The following BCL7C variants were observed in gnomAD, a reference collection of about 807,000 sequenced individuals.
BCL7C encodes B-cell CLL/lymphoma 7 protein family member C.
In BCL7C, 8 loss-of-function variants were observed where a neutral mutation model predicts 26.2. The ratio of observed to expected loss-of-function variants is 0.30; its 90% CI spans 0.18 to 0.55. The LOEUF (loss-of-function observed/expected upper bound fraction) is 0.55, where lower values mean the gene tolerates loss of function less well. Among genes scored for constraint, BCL7C ranks in the 20% least tolerant of loss-of-function variants. BCL7C has a pLI of 0.93. For missense variants in BCL7C, 262 were observed against 298.5 expected, an observed-to-expected ratio of 0.88 and a Z score of 0.90; for synonymous variants, 90 against 116.5, an observed-to-expected ratio of 0.77 and a Z score of 1.47.
intron 4 of BCL7C, 149 bp from the exon 5 acceptor site, chr16:30,889,094 C>A: frequency 1.4e-6 from 1 of 708,424 alleles, no homozygotes; most frequent in Admixed American, 2.5e-5. Context: ...TGGCTGTGCC[C>A]CAGGAAGCAG....
intron 4 of BCL7C, among the ~76,000 whole-genome samples, chr16:30,890,801 C>T (rs1429894070): frequency 6.6e-6 from 1 of 151,928 alleles, no homozygotes; most frequent in African/African-American, 2.4e-5. Context: ...GCCTGGCCAA[C>T]ATGGAGAAAC....
At chr16:30,872,716 C>G (rs999752981) in intron 5 of BCL7C, among the ~76,000 whole-genome samples, 2 of 152,162 alleles carry the variant, frequency 1.3e-5, no homozygotes, top group Admixed American at 6.6e-5. Context: ...TTCCCCACCC[C>G]CTATCCTACT....
chr16:30,875,438 C>T (rs893434467), intron 5 of BCL7C: 1 of 152,462 alleles, frequency 6.6e-6, no homozygotes, highest in Non-Finnish European at 1.5e-5. Flanking sequence ...GGCCTTAACC[C>T]TTCCCAAGGC....
At chr16:30,881,783 C>T (rs2055047607) in intron 5 of BCL7C, among the ~76,000 whole-genome samples, 1 of 152,190 alleles carries the variant, frequency 6.6e-6, no homozygotes, top group Non-Finnish European at 1.5e-5. Context: ...CCCTCACCTC[C>T]TTCCAGCTTT....
chr16:30,879,133 T>C (rs904119511), intron 5 of BCL7C, among the ~76,000 whole-genome samples: 1 of 152,122 alleles, frequency 6.6e-6, no homozygotes, highest in Non-Finnish European at 1.5e-5. Flanking sequence ...CCCAGTTTGC[T>C]CAAGACTGGG....
At chr16:30,891,533 G>A (rs1241502157) in intron 4 of BCL7C, among the ~76,000 whole-genome samples, 1 of 152,160 alleles carries the variant, frequency 6.6e-6, no homozygotes, top group African/African-American at 2.4e-5. Flanking sequence ...CACAGTAAGA[G>A]CTCAATAAAT....
At chr16:30,877,601 A>C (rs2054969525) in intron 5 of BCL7C, among the ~76,000 whole-genome samples, 1 of 151,464 alleles carries the variant, frequency 6.6e-6, no homozygotes, top group Admixed American at 6.6e-5. Flanking sequence ...CACCGCGCCC[A>C]GCTAATTTGT....
At chr16:30,888,140 G>C in intron 5 of BCL7C, 150 bp from the exon 6 acceptor site, 2 of 672,002 alleles carry the variant, frequency 3.0e-6, no homozygotes. Context: ...GAGGAAGCAG[G>C]CACCAAAAAC....
intron 5 of BCL7C, among the ~76,000 whole-genome samples, chr16:30,848,779 G>A (rs554462235): frequency 2.6e-5 from 4 of 151,590 alleles, no homozygotes; most frequent in Admixed American, 6.6e-5. Context: ...CTGTAATCCC[G>A]GCTACTCAGG....
At chr16:30,841,848 G>T (rs1295814304) in intron 5 of BCL7C, among the ~76,000 whole-genome samples, 1 of 151,608 alleles carries the variant, frequency 6.6e-6, no homozygotes, top group East Asian at 1.9e-4. Context: ...CCAGCCACTC[G>T]GGAGGCTGAG....
chr16:30,889,163 C>T (rs569370880), intron 4 of BCL7C, among the ~76,000 whole-genome samples: 1 of 152,242 alleles, frequency 6.6e-6, no homozygotes, highest in Admixed American at 6.5e-5. Flanking sequence ...AAGTATGACA[C>T]GTGAGACAGA....
intron 5 of BCL7C, among the ~76,000 whole-genome samples, chr16:30,864,376 G>C (rs995186761): frequency 6.6e-6 from 1 of 151,950 alleles, no homozygotes. Context: ...TTCAGATCTT[G>C]TGTCTTCTGT....
At chr16:30,851,506 T>C in intron 5 of BCL7C, 2 of 237,902 alleles carry the variant, frequency 8.4e-6, no homozygotes, top group Non-Finnish European at 1.6e-5. Context: ...TCCCAAAATG[T>C]TGGGATTACA....
At chr16:30,874,285 T>C (rs1278596110) in intron 5 of BCL7C, among the ~76,000 whole-genome samples, 2 of 151,488 alleles carry the variant, frequency 1.3e-5, no homozygotes, top group East Asian at 2.0e-4. Context: ...CGTGAGCCAC[T>C]GAGCCCAGCC....
intron 5 of BCL7C, among the ~76,000 whole-genome samples, chr16:30,864,548 C>G (rs796505271): frequency 6.6e-6 from 1 of 151,746 alleles, no homozygotes; most frequent in Non-Finnish European, 1.5e-5. Context: ...TAATCCTGCT[C>G]GAAGCAGCCC....
chr16:30,893,199 G>T lies in BCL7C; in HGVS notation c.171+13C>A. On this transcript the variant is annotated intron_variant, in intron 2 of 5. Transcript: ENST00000215115. This position sits in a 1 kb window ranked among gnomAD's most constrained non-coding sequence, Gnocchi z 5.2. ...CACAGATGCAGGGCCTTGTGGGAAT[G>T]GGGGTTGCTCACCTCCTCCTGGGGA... 1 of 1,611,240 alleles carries T rather than the reference G, an allele frequency of 6.2e-7. No individual in the cohort carries two copies. Among genetic ancestry groups the T allele is most frequent in the Non-Finnish European group, 8.5e-7 (1 of 1,178,166 alleles).
At chr16:30,864,849 C>T (rs1176511284) in intron 5 of BCL7C, among the ~76,000 whole-genome samples, 6 of 136,310 alleles carry the variant, frequency 4.4e-5, no homozygotes, top group South Asian at 2.9e-4. Context: ...CACCCCCACC[C>T]CCCCACCCTT....
chr16:30,876,021 A>G (rs1222860692), intron 5 of BCL7C: 2 of 152,302 alleles, frequency 1.3e-5, no homozygotes, highest in Admixed American at 1.3e-4. Context: ...CCCTTTCACT[A>G]CGCCACAGCT....
In BCL7C at chr16:30,893,808, G is replaced by C; in HGVS notation, c.92+45C>G. The C allele has an allele frequency of 6.4e-7, 1 of 1,561,902 alleles. No individual in the cohort carries two copies. The highest frequency in any genetic ancestry group is 8.7e-7 in the Non-Finnish European group (1 of 1,147,062). On this transcript the variant is annotated intron_variant, in intron 1 of 5. Transcript: ENST00000215115. This position sits in a 1 kb window ranked among gnomAD's most constrained non-coding sequence, Gnocchi z 5.2. Reference sequence around the variant, plus strand: ...GGGCAGCGTAGACGCCTTTGGTGCTGGTGGTCCCGCTGTGTCCCGTCCCTG... The same window carrying C: ...GGGCAGCGTAGACGCCTTTGGTGCTCGTGGTCCCGCTGTGTCCCGTCCCTG...
Sources: gnomAD v4.1 joint callset for allele counts (sites outside exome capture counted in the v4.1 genomes callset) on GRCh38, gnomAD v4.1.1 for gene constraint, Gnocchi (gnomAD v3.1) non-coding constraint, MANE v1.5 for transcripts, NCBI Gene and HGNC (gene_info 2026-07-23, HGNC 2026-07-21) for gene names.